The following OSBPL2 variants were observed in gnomAD, a reference collection of about 807,000 sequenced individuals.
The protein encoded by OSBPL2 is oxysterol binding protein like 2, also known as oxysterol-binding protein-related protein 2.
A neutral mutation model predicts 58.4 loss-of-function variants in OSBPL2; 18 were observed. The ratio of observed to expected loss-of-function variants is 0.31; its 90% confidence interval spans 0.21 to 0.46. The LOEUF (loss-of-function observed/expected upper bound fraction) is 0.46, where lower values mean the gene tolerates loss of function less well. OSBPL2 is among the 20% of genes least tolerant of loss of function. The probability of loss-of-function intolerance (pLI) is 1.00; values close to 1 mark genes in which losing one functional copy is unlikely to be tolerated. For missense variants in OSBPL2, 461 were observed against 616.5 expected, an observed-to-expected ratio of 0.75 and a Z score of 2.67; for synonymous variants, 221 against 234.1, an observed-to-expected ratio of 0.94 and a Z score of 0.51.
chr20:62,277,087 A>G (rs1982429156), intron 6 of OSBPL2, among the ~76,000 whole-genome samples: 1 of 151,358 alleles, frequency 6.6e-6, no homozygotes, highest in Non-Finnish European at 1.5e-5. Context: ...CGTTTCTGCT[A>G]AAAAATACAA....
chr20:62,289,479 C>T, intron 12 of OSBPL2, 149 bp downstream of exon 12: 1 of 918,524 alleles, frequency 1.1e-6, no homozygotes, highest in Non-Finnish European at 1.6e-6. Flanking sequence ...AGGCTGCAGG[C>T]CTTCTAACTA....
At position 62,287,240 on chromosome 20, in the gene OSBPL2, T is replaced by C. The variant is rs376209301; in HGVS notation, c.1125+529T>C. On this transcript the variant is annotated intron_variant, in intron 11 of 13. Coordinates refer to ENST00000313733, the MANE Select transcript of OSBPL2 (RefSeq NM_144498.4). Reference sequence around the variant, plus strand: ...TTTATGACAAATAAAATATGTGATATATGGTTATATGATAAATATCACACG... The same window carrying C: ...TTTATGACAAATAAAATATGTGATACATGGTTATATGATAAATATCACACG... Among the ~76,000 whole-genome samples, 5 of 152,260 alleles carry C rather than the reference T, an allele frequency of 3.3e-5. No homozygotes were observed. The East Asian group carries it at 5.8e-4, about 18-fold the overall frequency.
At chr20:62,275,501 T>C (rs890235958) in intron 6 of OSBPL2, among the ~76,000 whole-genome samples, 3 of 151,452 alleles carry the variant, frequency 2.0e-5, no homozygotes, top group African/African-American at 7.3e-5. Context: ...TGCCTTAACC[T>C]CCTGGATATG....
intron 1 of OSBPL2, among the ~76,000 whole-genome samples, chr20:62,243,555 CTCATCA>C (rs1485098201): frequency 2.6e-5 from 4 of 152,180 alleles, no homozygotes; most frequent in African/African-American, 9.7e-5. Flanking sequence ...ACCCCTGCTT[CTCATCA>C]GAAAAGCTGG....
At chr20:62,263,526 T>G in intron 3 of OSBPL2, 90 bp from the exon 4 acceptor site, 7 of 1,040,928 alleles carry the variant, frequency 6.7e-6, no homozygotes, top group Non-Finnish European at 1.1e-5. Flanking sequence ...GAGTAAAAAT[T>G]AAAGAGAAAT....
At chr20:62,266,425 A>G (rs1981660919) in intron 4 of OSBPL2, among the ~76,000 whole-genome samples, 1 of 152,246 alleles carries the variant, frequency 6.6e-6, no homozygotes, top group Non-Finnish European at 1.5e-5. Context: ...CAGTCCCAAC[A>G]TAGACAGACT....
intron 3 of OSBPL2, among the ~76,000 whole-genome samples, chr20:62,260,630 TTCC>T (rs1438632434): frequency 2.0e-5 from 3 of 152,140 alleles, no homozygotes; most frequent in Admixed American, 6.5e-5. Context: ...CTCATTCCCT[TTCC>T]TCCTCCTCCA....
At chr20:62,243,841 T>A (rs6062166) in intron 1 of OSBPL2, among the ~76,000 whole-genome samples, 18,694 of 116,666 alleles carry the variant, frequency 0.16, 1,786 homozygotes, top group African/African-American at 0.32. Context: ...CCTGTTTTTT[T>A]AAATTTTTTA....
Position 62,273,391 on chromosome 20 carries a change from C to T in OSBPL2, c.476C>T (p.Thr159Met). The stretch of plus-strand genomic sequence containing the variant: ...CCATTTAATCCACTCTTGGGAGAAA[C>T]GTATGAATTAATCAGGTAAGGGGGG... ...GKPFNPLLGE[T>M]YELIREDLGF... is the part of the protein sequence containing the mutation. The change falls in exon 6 of 14, where the codon ACG becomes ATG. Residue 159 changes from threonine (T) to methionine (M), a missense_variant. Coordinates refer to ENST00000313733, the MANE Select transcript of OSBPL2 (RefSeq NM_144498.4). The T allele has an allele frequency of 6.3e-7, 1 of 1,599,200 alleles. No homozygotes were observed. Among genetic ancestry groups the T allele is most frequent in the South Asian group, 1.1e-5 (1 of 88,298 alleles).
In OSBPL2 at chr20:62,281,331, C is replaced by T. The variant is rs1031364712; in HGVS notation, c.782+166C>T. ...GCAGCTGCCTAGACTTGACTCTGACCGGTGTTGGCCATGAATGCTCCTCGT... is the reference window on the plus strand; with the variant it reads ...GCAGCTGCCTAGACTTGACTCTGACTGGTGTTGGCCATGAATGCTCCTCGT... On this transcript the variant is annotated intron_variant, in intron 8 of 13. Transcript: ENST00000313733. 7.5e-5 allele frequency: 44 copies of T among 588,538 alleles called. No homozygotes were observed. The East Asian group carries it at 1.0e-3, about 14-fold the overall frequency. The allele number at this position is 588,538 out of a possible 1,614,324, so 36.5% of individuals were successfully genotyped here.
rs987259112 is a variant in OSBPL2, at chr20:62,281,373, C to T, written c.782+208C>T. ...GCTCCTCGTTCAAGACCTCGTTTTT[C>T]GTCACGGTTGTTACTTTAAGGCTTT... On this transcript the variant is annotated intron_variant, in intron 8 of 13. Coordinates refer to ENST00000313733, the MANE Select transcript of OSBPL2 (RefSeq NM_144498.4). The T allele has an allele frequency of 2.9e-4, 161 of 561,512 alleles. 10 individuals carry two copies. Among genetic ancestry groups the T allele is most frequent in the East Asian group, 8.7e-5 (3 of 34,582 alleles). The allele number at this position is 561,512 out of a possible 1,614,324, so 34.8% of individuals were successfully genotyped here.
At chr20:62,283,223 T>C (rs1325440286) in intron 9 of OSBPL2, among the ~76,000 whole-genome samples, 3 of 152,206 alleles carry the variant, frequency 2.0e-5, no homozygotes, top group Non-Finnish European at 4.4e-5. Context: ...TTGTCTGGTT[T>C]TCCATCCTAA....
intron 13 of OSBPL2, among the ~76,000 whole-genome samples, chr20:62,293,311 G>A (rs559436936): frequency 1.3e-5 from 2 of 152,012 alleles, no homozygotes; most frequent in African/African-American, 4.8e-5. Context: ...AGTGCCAGCC[G>A]GGGGCTGTGG....
At chr20:62,270,099 G>C (rs1981959286) in intron 4 of OSBPL2, among the ~76,000 whole-genome samples, 1 of 152,202 alleles carries the variant, frequency 6.6e-6, no homozygotes. Context: ...GCGCGTCCTT[G>C]TGGTGCTGTG....
Position 62,272,112 on chromosome 20 carries a change from C to T in OSBPL2, c.259-13C>T. On this transcript the variant is annotated splice_polypyrimidine_tract_variant and intron_variant, in intron 4 of 13. Transcript: ENST00000313733. ...AGGCAGCAGTAACCAGCGAGTCTTC[C>T]CCATCTTTCCAGGAGCTGTCCAAGA... is the stretch of plus-strand genomic sequence containing the variant. 6.2e-7 allele frequency: 1 copy of T among 1,613,482 alleles called. No individual in the cohort carries two copies. The highest frequency in any genetic ancestry group is 8.5e-7 in the Non-Finnish European group (1 of 1,179,774).
At chr20:62,277,530 A>T (rs1159046082) in intron 6 of OSBPL2, among the ~76,000 whole-genome samples, 1 of 152,154 alleles carries the variant, frequency 6.6e-6, no homozygotes, top group Non-Finnish European at 1.5e-5. Context: ...TGTCTGTGAG[A>T]CCCTGGCAGT....
chr20:62,253,088 G>T (rs948953225), intron 1 of OSBPL2, among the ~76,000 whole-genome samples: 1 of 152,272 alleles, frequency 6.6e-6, no homozygotes, highest in Non-Finnish European at 1.5e-5. Context: ...AGCAGTGGCA[G>T]TGTCATCTCT....
chr20:62,286,473 G>A (rs1368598338), intron 10 of OSBPL2, 110 bp from the exon 11 acceptor site: 3 of 1,205,640 alleles, frequency 2.5e-6, no homozygotes, highest in Non-Finnish European at 3.5e-6. Context: ...GGAGAAGGCT[G>A]CCTGGCTCTG....
chr20:62,255,579 C>T (rs767123370), intron 1 of OSBPL2, among the ~76,000 whole-genome samples: 4 of 152,264 alleles, frequency 2.6e-5, no homozygotes, highest in Non-Finnish European at 5.9e-5. Flanking sequence ...TCTCAGCTCA[C>T]TGCGATCTCT....
Sources: allele counts gnomAD v4.1 joint callset (sites outside exome capture counted in the v4.1 genomes callset), GRCh38; gene constraint gnomAD v4.1.1; transcripts MANE v1.5; gene names NCBI Gene and HGNC (gene_info 2026-07-23, HGNC 2026-07-21).